Variants in CLK1 observed in about 807,000 individuals in gnomAD.
CLK1 encodes dual specificity protein kinase CLK1.
In CLK1, 40 loss-of-function variants were observed where a neutral mutation model predicts 60.9. The ratio of observed to expected loss-of-function variants is 0.66; its 90% CI spans 0.51 to 0.86. The LOEUF (loss-of-function observed/expected upper bound fraction) is 0.86. Among genes scored for constraint, CLK1 ranks in the 40% least tolerant of loss-of-function variants. CLK1 has a pLI of 0.00. For synonymous variants in CLK1, 203 were observed against 184.4 expected, an observed-to-expected ratio of 1.10 and a Z score of -0.82; for missense variants, 563 against 606.1, an observed-to-expected ratio of 0.93 and a Z score of 0.75.
chr2:200,854,051 C>A (rs1045500410), intron 11 of CLK1, 58 bp from the exon 12 acceptor site: 14 of 1,138,624 alleles, frequency 1.2e-5, no homozygotes, highest in Non-Finnish European at 1.7e-5. Flanking sequence ...AAACAGCTAG[C>A]AAAGGTATCA....
intron 3 of CLK1, chr2:200,860,845 G>C: frequency 9.5e-7 from 1 of 1,049,580 alleles, no homozygotes; most frequent in Non-Finnish European, 1.1e-6. Context: ...GAACAAAGAA[G>C]CATACCTAAT....
At chr2:200,858,171 T>C (rs1559327403) in intron 5 of CLK1, 82 bp from the exon 6 acceptor site, 2 of 892,772 alleles carry the variant, frequency 2.2e-6, no homozygotes, top group Non-Finnish European at 3.8e-6. Flanking sequence ...ACTGTACTAC[T>C]ACTCTGACCC....
In CLK1 at chr2:200,856,824, A is replaced by G; in HGVS notation, c.928-13T>C. Reference sequence around the variant, plus strand: ...GTTCATCACGTTTCTGAAAATCATAAATGATGGTTAAGAAGGCATAAGCTA... The same window carrying G: ...GTTCATCACGTTTCTGAAAATCATAGATGATGGTTAAGAAGGCATAAGCTA... On this transcript the variant is annotated splice_polypyrimidine_tract_variant and intron_variant, in intron 8 of 12. Coordinates refer to ENST00000321356, the MANE Select transcript of CLK1 (RefSeq NM_004071.4). 1 of 1,612,142 alleles carries G rather than the reference A, an allele frequency of 6.2e-7. No individual in the cohort carries two copies. The highest frequency in any genetic ancestry group is 2.2e-5 in the East Asian group (1 of 44,830).
Position 200,857,988 on chromosome 2 carries a change from T to C in CLK1, c.650A>G (p.Asp217Gly), listed in dbSNP as rs766644525. ...IQVLEHLNTT[D>G]PNSTFRCVQM... Reference sequence around the variant, plus strand: ...TGATACTTACAAAGTACTGTTGGGGTCTGTTGTATTCAGATGTTCCAGAAC... The same window carrying C: ...TGATACTTACAAAGTACTGTTGGGGCCTGTTGTATTCAGATGTTCCAGAAC... Residue 217 changes from aspartate (D) to glycine (G), a missense_variant, in exon 6 of 13, where the codon GAC becomes GGC. Around this residue, in one of 3 missense-constraint regions of CLK1, gnomAD observed 360 missense variants for 407.0 expected, o/e 0.88. Transcript: ENST00000321356. 4 of 1,613,630 alleles carry C rather than the reference T, an allele frequency of 2.5e-6. No homozygotes were observed. Among genetic ancestry groups the C allele is most frequent in the East Asian group, 4.5e-5 (2 of 44,878 alleles).
Position 200,859,923 on chromosome 2 carries a change from A to T in CLK1, c.482-177T>A. 2.1e-6 allele frequency: 3 copies of T among 1,430,302 alleles called. No individual in the cohort carries two copies. The South Asian group carries it at 4.8e-5, about 23-fold the overall frequency. The allele number at this position is 1,430,302 out of a possible 1,614,324, so 88.6% of individuals were successfully genotyped here. ...TATTAGGTCTAATTTCATTAATTTG[A>T]TTACTGTTCTGGAAGTTCTATATAA... On this transcript the variant is annotated intron_variant, in intron 4 of 12. Coordinates refer to ENST00000321356, the MANE Select transcript of CLK1 (RefSeq NM_004071.4).
chr2:200,858,162 C>T, intron 5 of CLK1, 73 bp from the exon 6 acceptor site: 1 of 961,134 alleles, frequency 1.0e-6, no homozygotes, highest in Non-Finnish European at 1.7e-6. Flanking sequence ...TGTCTTCAAA[C>T]TGTACTACTA....
At chr2:200,855,169 T>TAA (rs796607497) in intron 9 of CLK1, 83 bp from the exon 10 acceptor site, 244 of 765,666 alleles carry the variant, frequency 3.2e-4, no homozygotes, top group South Asian at 8.3e-4. Flanking sequence ...ACTAATACTT[T>TAA]AAAAAAAAAA....
chr2:200,855,469 A>C (rs2039022760), intron 9 of CLK1, among the ~76,000 whole-genome samples: 1 of 151,970 alleles, frequency 6.6e-6, no homozygotes, highest in African/African-American at 2.4e-5. Context: ...AAAATACAAA[A>C]ACAAAATTAG....
chr2:200,853,533 T>C, intron 12 of CLK1, 84 bp from the exon 13 acceptor site: 5 of 1,247,132 alleles, frequency 4.0e-6, no homozygotes, highest in Admixed American at 2.4e-5. Context: ...ACCATATATA[T>C]ATAACCACCA....
chr2:200,854,959 C>A, intron 10 of CLK1, 45 bp downstream of exon 10: 1 of 1,468,586 alleles, frequency 6.8e-7, no homozygotes. Flanking sequence ...TAAACAGGCA[C>A]CTTTCTTGTG....
intron 3 of CLK1, chr2:200,860,499 A>G: frequency 2.7e-5 from 31 of 1,128,942 alleles, no homozygotes; most frequent in Non-Finnish European, 3.3e-5. Context: ...TTTCTTAAAA[A>G]AAAAAAATGC....
chr2:200,859,676 T>C lies in CLK1; in HGVS notation c.548+4A>G. 4.3e-6 allele frequency: 7 copies of C among 1,611,350 alleles called. No individual in the cohort carries two copies. The highest frequency in any genetic ancestry group is 5.9e-6 in the Non-Finnish European group (7 of 1,178,834). On this transcript the variant is annotated splice_donor_region_variant and intron_variant, in intron 5 of 12. Transcript: ENST00000321356. ...TAAAAGTAATCCCAACATGGGAAAC[T>C]TACGCTTTATGATCGATGCACTCCA...
chr2:200,856,716 A>G lies in CLK1; in HGVS notation c.1023T>C (p.Ser341=), dbSNP rs764168175. ...CTTCAGGTGCTCTATAATGTCTTGT[A>G]GATACCAATGTACTGTGATGTTCGT... ...YDDEHHSTLV[S]TRHYRAPEVI... The change falls in exon 9 of 13, where the codon TCT becomes TCC. Residue 341 remains serine (S), a synonymous_variant. Transcript: ENST00000321356. 7.5e-6 allele frequency: 12 copies of G among 1,610,132 alleles called. No individual in the cohort carries two copies. In the South Asian group the frequency reaches 1.2e-4, roughly 16 times the overall value.
intron 5 of CLK1, 70 bp downstream of exon 5, chr2:200,859,610 C>T: frequency 7.7e-7 from 1 of 1,301,800 alleles, no homozygotes; most frequent in Non-Finnish European, 1.1e-6. Context: ...GGTCAGACCA[C>T]TTTCTAAAGC....
In CLK1 at chr2:200,858,106, T is replaced by A. The variant is rs1480801242; in HGVS notation, c.549-17A>T. The A allele has an allele frequency of 5.3e-6, 8 of 1,506,642 alleles. No homozygotes were observed. Among genetic ancestry groups the A allele is most frequent in the Admixed American group, 1.7e-5 (1 of 59,870 alleles). The allele number at this position is 1,506,642 out of a possible 1,614,324, so 93.3% of individuals were successfully genotyped here. A position where few individuals can be genotyped will look rare whatever the true frequency, so the allele number is the denominator to read the frequency against. On this transcript the variant is annotated splice_polypyrimidine_tract_variant and intron_variant, in intron 5 of 12. Transcript: ENST00000321356. ...CTACCTCCCCTGTTAGAAAGATGCA[T>A]GCAAATTTAAGAATGACAGACATGA...
In CLK1 at chr2:200,861,883, T is replaced by C. The variant is rs890268973; in HGVS notation, c.1-21A>G. ...CTCATCTACATAAAAGGCAAGTTTT[T>C]CCTAGTTAAATTGTACCCCACACTG... On this transcript the variant is annotated intron_variant, in intron 1 of 12. Transcript: ENST00000321356. 2.5e-6 allele frequency: 4 copies of C among 1,611,676 alleles called. No individual in the cohort carries two copies. In the African/African-American group the frequency reaches 5.3e-5, roughly 22 times the overall value.
At chr2:200,856,603 G>A (rs951756646) in intron 9 of CLK1, 79 bp downstream of exon 9, 8 of 1,213,322 alleles carry the variant, frequency 6.6e-6, no homozygotes, top group South Asian at 1.6e-5. Context: ...AGCCCCACAA[G>A]TAAGACCTAA....
chr2:200,859,893 A>C, intron 4 of CLK1, 147 bp from the exon 5 acceptor site: 1 of 1,443,462 alleles, frequency 6.9e-7, no homozygotes, highest in Non-Finnish European at 9.1e-7. Flanking sequence ...ATCAAAAAAC[A>C]TAATTATTAG....
chr2:200,857,737 C>CT lies in CLK1; in HGVS notation c.812dup (p.Ile272AspfsTer11), dbSNP rs756073686. The CT allele has an allele frequency of 6.3e-7, 1 of 1,599,454 alleles. No individual in the cohort carries two copies. Among genetic ancestry groups the CT allele is most frequent in the Non-Finnish European group, 8.5e-7 (1 of 1,173,252 alleles). On this transcript the variant is annotated frameshift_variant, in exon 7 of 13. Transcript: ENST00000321356. LOFTEE classifies it high-confidence loss of function. ...ACTTACAATTCACAGACTTGCATAT[C>CT]TGATATGCCATCTTTCTGATATGAT...
Sources: allele counts gnomAD v4.1 joint callset (sites outside exome capture counted in the v4.1 genomes callset), GRCh38; gene constraint gnomAD v4.1.1; regional missense constraint gnomAD v4.1.1; transcripts MANE v1.5; gene names NCBI Gene and HGNC (gene_info 2026-07-23, HGNC 2026-07-21).